PHACTR1: variants seen among roughly 807,000 people sequenced by gnomAD.
PHACTR1 encodes phosphatase and actin regulator 1.
PHACTR1 carries 16 observed loss-of-function variants against 69.2 expected under a neutral mutation model. The observed-to-expected ratio is 0.23, with a 90% CI of 0.16 to 0.35. PHACTR1 has a LOEUF of 0.35. PHACTR1 is among the 10% of genes least tolerant of loss of function. The pLI is 1.00. For missense variants in PHACTR1, 510 were observed against 734.7 expected (o/e 0.69, Z 3.54); for synonymous variants, 312 against 284.5 (o/e 1.10, Z -0.97).
At chr6:12,932,748 A>T (rs1320042079) in intron 4 of PHACTR1, among the ~76,000 whole-genome samples, 1 of 152,150 alleles carries the variant, frequency 6.6e-6, no homozygotes, top group Non-Finnish European at 1.5e-5. Context: ...CCATAGAGTA[A>T]CCCTAAGAAG....
At chr6:13,212,706 T>G (rs958167715) in intron 8 of PHACTR1, among the ~76,000 whole-genome samples, 2 of 151,024 alleles carry the variant, frequency 1.3e-5, no homozygotes, top group Non-Finnish European at 2.9e-5. Flanking sequence ...TTCCCACCAT[T>G]CTCGCACATT....
chr6:13,051,696 A>G (rs925973771), intron 4 of PHACTR1, among the ~76,000 whole-genome samples: 7 of 152,140 alleles, frequency 4.6e-5, no homozygotes, highest in African/African-American at 7.2e-5. Context: ...GTCTTCTCCA[A>G]TGCTGTGAAG....
chr6:13,195,973 C>T (rs766248993), intron 7 of PHACTR1, among the ~76,000 whole-genome samples: 4 of 152,088 alleles, frequency 2.6e-5, no homozygotes, highest in Non-Finnish European at 5.9e-5. Flanking sequence ...TTTTATGGCT[C>T]TGTGACATTC....
chr6:13,110,201 G>T (rs1345014905), intron 5 of PHACTR1, among the ~76,000 whole-genome samples: 2 of 151,852 alleles, frequency 1.3e-5, no homozygotes, highest in African/African-American at 4.8e-5. Context: ...GTATCTTGTA[G>T]TTTTTTATTA....
Position 12,964,593 on chromosome 6 carries a change from C to T in PHACTR1, c.251-88772C>T, listed in dbSNP as rs183770102. ...AACGAGAGGGTAGAGAGAAAGGGAC[C>T]GATGGTAGATGCATTGAAAAGAATT... is the stretch of plus-strand genomic sequence containing the variant. On this transcript the variant is annotated intron_variant, in intron 4 of 14. Coordinates refer to ENST00000332995, the MANE Select transcript of PHACTR1 (RefSeq NM_030948.6). Among the ~76,000 whole-genome samples the T allele has an allele frequency of 1.2e-3, 182 of 152,108 alleles. 1 individual carries two copies. Among genetic ancestry groups the T allele is most frequent in the Middle Eastern group, 3.4e-3 (1 of 294 alleles).
chr6:12,873,386 T>C (rs991020851), intron 4 of PHACTR1, among the ~76,000 whole-genome samples: 1 of 152,012 alleles, frequency 6.6e-6, no homozygotes, highest in Non-Finnish European at 1.5e-5. Context: ...TATCAATATA[T>C]GCTGTGTCAC....
chr6:12,796,374 G>C (rs1483842483), intron 4 of PHACTR1, among the ~76,000 whole-genome samples: 3 of 152,180 alleles, frequency 2.0e-5, no homozygotes. Flanking sequence ...TATTTCATGA[G>C]ACCTTGTTCC....
At chr6:12,949,269 CAAAAAA>C (rs201027793) in intron 4 of PHACTR1, among the ~76,000 whole-genome samples, 1 of 57,032 alleles carries the variant, frequency 1.8e-5, no homozygotes, top group African/African-American at 4.1e-5. Flanking sequence ...AACGTCATCT[CAAAAAA>C]AAAAAAAAAA....
chr6:12,950,998 C>G (rs542781887), intron 4 of PHACTR1, among the ~76,000 whole-genome samples: 1 of 152,294 alleles, frequency 6.6e-6, no homozygotes, highest in Non-Finnish European at 1.5e-5. Context: ...GACGGACCAA[C>G]AAAAGGGCCT....
intron 5 of PHACTR1, among the ~76,000 whole-genome samples, chr6:13,138,848 G>T (rs1821962101): frequency 6.6e-6 from 1 of 152,134 alleles, no homozygotes; most frequent in South Asian, 2.1e-4. Flanking sequence ...TTTGTTGAGT[G>T]ACTTCTGTTT....
intron 4 of PHACTR1, among the ~76,000 whole-genome samples, chr6:12,861,617 G>A (rs1780947148): frequency 2.0e-5 from 3 of 152,192 alleles, no homozygotes; most frequent in Admixed American, 2.0e-4. Context: ...TAAAGGAGGA[G>A]CAGTGGTCTT....
chr6:13,086,933 T>C (rs1462406137), intron 5 of PHACTR1, among the ~76,000 whole-genome samples: 1 of 152,048 alleles, frequency 6.6e-6, no homozygotes, highest in East Asian at 1.9e-4. Flanking sequence ...ACACTTGGTA[T>C]TATCCATTCA....
intron 4 of PHACTR1, among the ~76,000 whole-genome samples, chr6:13,006,605 TTA>T (rs1420146188): frequency 1.3e-5 from 2 of 151,964 alleles, no homozygotes; most frequent in African/African-American, 4.8e-5. Flanking sequence ...TATACACAAC[TTA>T]TATTAAATAA....
At chr6:13,113,090 A>G (rs1817286428) in intron 5 of PHACTR1, among the ~76,000 whole-genome samples, 2 of 152,268 alleles carry the variant, frequency 1.3e-5, no homozygotes, top group African/African-American at 4.8e-5. Context: ...TCATCTGCAT[A>G]TGAAGTGCCC....
intron 4 of PHACTR1, among the ~76,000 whole-genome samples, chr6:12,847,305 A>G: frequency 6.6e-6 from 1 of 152,188 alleles, no homozygotes; most frequent in Non-Finnish European, 1.5e-5. Flanking sequence ...AGGTAGGTAG[A>G]TAGATACGGA....
rs1049489367 is a variant in PHACTR1, at chr6:13,184,744, C to T, written c.664+2058C>T. ...CCTGTCCTGTGTTCCCCGCTGGCCC[C>T]GCCTGCACTGCGTTTGTGTAATGTC... On this transcript the variant is annotated intron_variant, in intron 7 of 14. Transcript: ENST00000332995. The T allele has an allele frequency of 1.4e-5, 18 of 1,320,666 alleles. 1 individual carries two copies. Among genetic ancestry groups the T allele is most frequent in the East Asian group, 9.2e-5 (2 of 21,760 alleles). 81.8% of individuals were successfully genotyped at this position (1,320,666 alleles called of 1,614,324 possible).
At chr6:13,243,552 A>G (rs1773154959) in intron 10 of PHACTR1, among the ~76,000 whole-genome samples, 1 of 151,996 alleles carries the variant, frequency 6.6e-6, no homozygotes, top group African/African-American at 2.4e-5. Flanking sequence ...CCTTGGGCCT[A>G]TGACTTGTTG....
chr6:13,083,161 A>G (rs369953286), intron 5 of PHACTR1, among the ~76,000 whole-genome samples: 1 of 152,194 alleles, frequency 6.6e-6, no homozygotes. Flanking sequence ...CTTTCTACAT[A>G]TGACTAGCCA....
In PHACTR1 at chr6:12,899,198, G is replaced by A. The variant is rs74436858; in HGVS notation, c.250+149408G>A. The stretch of plus-strand genomic sequence containing the variant: ...AGGGCTGTACCTTCCTTACAGGAGG[G>A]GCCAAATCTTATTCATGATTTGCCC... On this transcript the variant is annotated intron_variant, in intron 4 of 14. Coordinates refer to ENST00000332995, the MANE Select transcript of PHACTR1 (RefSeq NM_030948.6). 8.4e-3 allele frequency among the ~76,000 whole-genome samples: 1,278 copies of A among 152,130 alleles called. 26 individuals are homozygous for A. Among genetic ancestry groups the A allele is most frequent in the African/African-American group, 0.029 (1,222 of 41,488 alleles).
Sources: gnomAD v4.1 joint callset for allele counts (sites outside exome capture counted in the v4.1 genomes callset) on GRCh38, gnomAD v4.1.1 for gene constraint, MANE v1.5 for transcripts, NCBI Gene and HGNC (gene_info 2026-07-23, HGNC 2026-07-21) for gene names.